The following RYR3 variants were observed in gnomAD, a reference collection of about 807,000 sequenced individuals.
RYR3 encodes ryanodine receptor 3, also known as brain ryanodine receptor-calcium release channel.
Under a neutral mutation model 584.3 loss-of-function variants are expected in RYR3, and 207 were observed. The ratio of observed to expected loss-of-function variants is 0.35; its 90% CI spans 0.32 to 0.40. The LOEUF (loss-of-function observed/expected upper bound fraction) is 0.40. Ranked by LOEUF, RYR3 falls within the 10% of genes least tolerant of loss-of-function variation. RYR3 has a pLI of 1.00. For missense variants in RYR3, 5,616 were observed against 6,089.2 expected (o/e 0.92, Z 2.59); for synonymous variants, 2,416 against 2,248.5 (o/e 1.07, Z -2.11).
intron 12 of RYR3, among the ~76,000 whole-genome samples, chr15:33,570,052 T>C (rs1416318895): frequency 6.6e-6 from 1 of 152,124 alleles, no homozygotes. Context: ...TTTTAAATGG[T>C]GTCTTTTGAA....
chr15:33,668,159 A>G (rs1483254800), intron 36 of RYR3, among the ~76,000 whole-genome samples: 1 of 151,314 alleles, frequency 6.6e-6, no homozygotes, highest in Admixed American at 6.6e-5. Context: ...TACAAAAAAA[A>G]AAAAGAAATC....
intron 1 of RYR3, among the ~76,000 whole-genome samples, chr15:33,348,513 T>C (rs546049370): frequency 9.2e-5 from 14 of 152,212 alleles, no homozygotes; most frequent in Non-Finnish European, 2.1e-4. Flanking sequence ...TTCACTCTTT[T>C]TGCCCAGGCT....
intron 10 of RYR3, among the ~76,000 whole-genome samples, chr15:33,555,791 G>A (rs1418905700): frequency 6.6e-6 from 1 of 152,190 alleles, no homozygotes; most frequent in African/African-American, 2.4e-5. Flanking sequence ...GACTTCTGCT[G>A]AAGAAATATG....
At chr15:33,525,687 A>T (rs534616636) in intron 3 of RYR3, among the ~76,000 whole-genome samples, 14 of 152,314 alleles carry the variant, frequency 9.2e-5, no homozygotes, top group African/African-American at 3.1e-4. Flanking sequence ...ATGCTTTCTA[A>T]CTGAATATAC....
chr15:33,826,192 T>C, intron 82 of RYR3, 60 bp from the exon 83 acceptor site: 2 of 1,537,140 alleles, frequency 1.3e-6, no homozygotes, highest in Non-Finnish European at 1.8e-6. Flanking sequence ...CTAAAGACAG[T>C]TTATCATGAT....
chr15:33,558,598 T>A (rs1177093507), intron 10 of RYR3, among the ~76,000 whole-genome samples: 1 of 152,194 alleles, frequency 6.6e-6, no homozygotes, highest in Non-Finnish European at 1.5e-5. Context: ...TTTATATTCC[T>A]TTGGTATTGT....
At chr15:33,840,554 C>T (rs1384983794) in intron 89 of RYR3, 7 of 486,838 alleles carry the variant, frequency 1.4e-5, no homozygotes, top group African/African-American at 1.4e-4. Flanking sequence ...CGCCTTGAGG[C>T]TCTTACAATG....
intron 2 of RYR3, among the ~76,000 whole-genome samples, chr15:33,484,530 G>A (rs905547561): frequency 1.2e-4 from 19 of 152,166 alleles, no homozygotes; most frequent in Non-Finnish European, 2.4e-4. Context: ...CATGTATAGG[G>A]ACTTATTGCT....
rs1567313180 is a variant in RYR3 at position 33,848,405 on chromosome 15, TTGG to T, written c.13615_13617del (p.Val4539del). 6.2e-7 allele frequency: 1 copy of T among 1,613,074 alleles called. No individual in the cohort carries two copies. The highest frequency in any genetic ancestry group is 8.5e-7 in the Non-Finnish European group (1 of 1,179,806). On this transcript the variant is annotated inframe_deletion, in exon 94 of 104. Transcript: ENST00000634891. ...TGACATCAAGGGGCAGTGGGACCGCTTGGTGATCAACACACCGTGAGTGTCCCT... is the reference window on the plus strand; with the variant it reads ...TGACATCAAGGGGCAGTGGGACCGCTTGATCAACACACCGTGAGTGTCCCT...
At chr15:33,855,570 G>A (rs1264013613) in intron 98 of RYR3, among the ~76,000 whole-genome samples, 1 of 152,102 alleles carries the variant, frequency 6.6e-6, no homozygotes, top group South Asian at 2.1e-4. Flanking sequence ...TTAGCAAGTA[G>A]ACATACTGTA....
chr15:33,362,482 G>A (rs1311081957), intron 1 of RYR3, among the ~76,000 whole-genome samples: 1 of 151,996 alleles, frequency 6.6e-6, no homozygotes, highest in Non-Finnish European at 1.5e-5. Context: ...CCATTTCATG[G>A]GTATAAACCT....
intron 3 of RYR3, among the ~76,000 whole-genome samples, chr15:33,506,677 C>T (rs1259339201): frequency 2.0e-5 from 3 of 152,258 alleles, no homozygotes; most frequent in Non-Finnish European, 4.4e-5. Flanking sequence ...AAAATAGTTA[C>T]CTGAACAGCA....
intron 69 of RYR3, among the ~76,000 whole-genome samples, chr15:33,805,847 G>A (rs2076178643): frequency 6.6e-6 from 1 of 151,654 alleles, no homozygotes; most frequent in South Asian, 2.1e-4. Flanking sequence ...TGCATACTCT[G>A]TCTCTCTCTC....
chr15:33,841,186 C>T lies in RYR3; in HGVS notation c.13037+303C>T, dbSNP rs1190132017. On this transcript the variant is annotated intron_variant, in intron 90 of 103. Coordinates refer to ENST00000634891, the MANE Select transcript of RYR3 (RefSeq NM_001036.6). ...GAGCCAAGATCACATCACTGCACTC[C>T]AAGCTGGGCAGCAGAGCAAGACCCT... Among the ~76,000 whole-genome samples the T allele has an allele frequency of 9.9e-5, 15 of 152,022 alleles. No homozygotes were observed. The East Asian group carries it at 2.7e-3, about 27-fold the overall frequency.
chr15:33,652,592 T>C, intron 31 of RYR3, 126 bp from the exon 32 acceptor site: 1 of 942,492 alleles, frequency 1.1e-6, no homozygotes, highest in Admixed American at 2.8e-5. Flanking sequence ...AAAAAGTATT[T>C]GGGGCTGAAC....
intron 103 of RYR3, among the ~76,000 whole-genome samples, chr15:33,864,590 G>A (rs1430016437): frequency 1.3e-5 from 2 of 151,402 alleles, no homozygotes; most frequent in Admixed American, 6.5e-5. Context: ...GCCTGGAGGT[G>A]TGCATGTGAG....
At position 33,473,443 on chromosome 15, in the gene RYR3, A is replaced by G; in HGVS notation, c.76A>G (p.Ile26Val). The G allele has an allele frequency of 2.5e-6, 4 of 1,613,920 alleles. No homozygotes were observed. The highest frequency in any genetic ancestry group is 1.1e-5 in the South Asian group (1 of 91,076). Reference sequence around the variant, plus strand: ...GGAGGATGAAGTGGTACTCCAGTGCATCGCCACCATTCATAAGGAGCAGAG... The same window carrying G: ...GGAGGATGAAGTGGTACTCCAGTGCGTCGCCACCATTCATAAGGAGCAGAG... ...RTEDEVVLQC[I>V]ATIHKEQRKF... The change falls in exon 2 of 104, where the codon ATC becomes GTC. Residue 26 changes from isoleucine (I) to valine (V), a missense_variant. Physicochemically the swap from Ile to Val is conservative, Grantham distance 29 (BLOSUM62 3). Coordinates refer to ENST00000634891, the MANE Select transcript of RYR3 (RefSeq NM_001036.6).
Position 33,517,030 on chromosome 15 carries a change from T to G in RYR3, c.279+13292T>G, listed in dbSNP as rs112619763. 2.6e-5 allele frequency among the ~76,000 whole-genome samples: 4 copies of G among 152,338 alleles called. 1 individual carries two copies. Among genetic ancestry groups the G allele is most frequent in the African/African-American group, 9.6e-5 (4 of 41,564 alleles). ...TTTTTGAGATGGAGTCTCACTCTAT[T>G]GCCCAGGCTGCTGGTGTGCAGTGGC... On this transcript the variant is annotated intron_variant, in intron 3 of 103. Coordinates refer to ENST00000634891, the MANE Select transcript of RYR3 (RefSeq NM_001036.6).
rs1348045512 is a variant in RYR3, at chr15:33,311,547, G to A, written c.51+451G>A. Among the ~76,000 whole-genome samples the A allele has an allele frequency of 6.6e-6, 1 of 152,182 alleles. No individual in the cohort carries two copies. The highest frequency in any genetic ancestry group is 1.5e-5 in the Non-Finnish European group (1 of 68,028). On this transcript the variant is annotated intron_variant, in intron 1 of 103. Transcript: ENST00000634891. This position sits in a 1 kb window ranked among gnomAD's most constrained non-coding sequence, Gnocchi z 4.4. Reference sequence around the variant, plus strand: ...CGCCCCCACGCACAGGGGAACCTCCGGGAAGGAGCCAGCGGGGCAGGGGGG... The same window carrying A: ...CGCCCCCACGCACAGGGGAACCTCCAGGAAGGAGCCAGCGGGGCAGGGGGG...
Sources: allele counts gnomAD v4.1 joint callset (sites outside exome capture counted in the v4.1 genomes callset), GRCh38; gene constraint gnomAD v4.1.1; non-coding constraint Gnocchi (gnomAD v3.1); transcripts MANE v1.5; gene names NCBI Gene and HGNC (gene_info 2026-07-23, HGNC 2026-07-21).